Variants in CSMD1 observed in about 807,000 individuals in gnomAD.
CSMD1 encodes CUB and sushi domain-containing protein 1.
CSMD1 carries 213 observed loss-of-function variants against 417.5 expected under a neutral mutation model. The ratio of observed to expected loss-of-function variants is 0.51; its 90% CI spans 0.46 to 0.57. The LOEUF is 0.57. Ranked by LOEUF, CSMD1 falls within the 20% of genes least tolerant of loss-of-function variation. CSMD1 has a pLI of 0.00. For synonymous variants in CSMD1, 2,862 were observed against 1,736.8 expected, an observed-to-expected ratio of 1.65 and a Z score of -16.11; for missense variants, 6,923 against 4,529.7, an observed-to-expected ratio of 1.53 and a Z score of -15.17.
chr8:3,956,812 C>A (rs1271300678), intron 5 of CSMD1, among the ~76,000 whole-genome samples: 1 of 152,084 alleles, frequency 6.6e-6, no homozygotes, highest in African/African-American at 2.4e-5. Flanking sequence ...GGACACCCAG[C>A]CGTTACGGAA....
intron 2 of CSMD1, among the ~76,000 whole-genome samples, chr8:4,492,191 G>C (rs986841310): frequency 6.6e-6 from 1 of 152,178 alleles, no homozygotes; most frequent in African/African-American, 2.4e-5. Flanking sequence ...CTGACTTCAA[G>C]GGATCTGCCC....
chr8:3,155,068 G>A (rs994126369), intron 39 of CSMD1, among the ~76,000 whole-genome samples: 30 of 151,980 alleles, frequency 2.0e-4, no homozygotes, highest in East Asian at 3.9e-4. Flanking sequence ...TAATATTTAC[G>A]ATGTTAAGTA....
intron 49 of CSMD1, among the ~76,000 whole-genome samples, chr8:3,083,535 T>C (rs539667881): frequency 1.4e-5 from 2 of 143,322 alleles, no homozygotes; most frequent in South Asian, 4.5e-4. Flanking sequence ...TCGCTTAATC[T>C]GTTATACACA....
chr8:3,646,854 G>C (rs963188499), intron 7 of CSMD1, among the ~76,000 whole-genome samples: 3 of 152,068 alleles, frequency 2.0e-5, no homozygotes, highest in African/African-American at 7.2e-5. Flanking sequence ...TTGCCTCTCT[G>C]GCTGAATTTG....
intron 2 of CSMD1, among the ~76,000 whole-genome samples, chr8:4,629,752 TATTGTATAAA>T (rs1802395492): frequency 6.6e-6 from 1 of 152,182 alleles, no homozygotes; most frequent in Non-Finnish European, 1.5e-5. Flanking sequence ...CTAGATTTAC[TATTGTATAAA>T]ACAGTGTCAA....
intron 5 of CSMD1, among the ~76,000 whole-genome samples, chr8:3,838,599 T>G (rs892783876): frequency 4.7e-4 from 66 of 139,910 alleles, no homozygotes; most frequent in African/African-American, 1.7e-3. Flanking sequence ...CCTCTCTATA[T>G]AAATATTTAT....
intron 2 of CSMD1, among the ~76,000 whole-genome samples, chr8:4,421,086 A>G (rs969979694): frequency 6.6e-6 from 1 of 152,308 alleles, no homozygotes; most frequent in African/African-American, 2.4e-5. Context: ...ATGCCAATCC[A>G]AACAACTTTC....
intron 2 of CSMD1, among the ~76,000 whole-genome samples, chr8:4,592,290 G>C (rs1015936000): frequency 1.3e-5 from 2 of 151,262 alleles, no homozygotes; most frequent in Non-Finnish European, 2.9e-5. Flanking sequence ...AGTGAAAGTG[G>C]TATATTTACA....
chr8:4,611,692 T>G (rs1376992795), intron 2 of CSMD1, among the ~76,000 whole-genome samples: 1 of 152,212 alleles, frequency 6.6e-6, no homozygotes, highest in Non-Finnish European at 1.5e-5. Flanking sequence ...GTTTTCATCA[T>G]GACTAAAGAT....
At chr8:3,532,959 G>A (rs1320551235) in intron 10 of CSMD1, among the ~76,000 whole-genome samples, 4 of 152,090 alleles carry the variant, frequency 2.6e-5, no homozygotes, top group African/African-American at 9.7e-5. Context: ...ATCATGTAGA[G>A]TCTCATACAA....
intron 5 of CSMD1, among the ~76,000 whole-genome samples, chr8:3,986,864 C>T (rs1169331836): frequency 6.6e-6 from 1 of 152,112 alleles, no homozygotes; most frequent in Non-Finnish European, 1.5e-5. Context: ...AAGCAATTCT[C>T]CTGCTTCAGC....
chr8:4,934,960 C>A (rs1015705347), intron 1 of CSMD1, among the ~76,000 whole-genome samples: 8 of 152,152 alleles, frequency 5.3e-5, no homozygotes, highest in Admixed American at 2.0e-4. Context: ...ATCTACCTGC[C>A]TATATCTATC....
intron 1 of CSMD1, among the ~76,000 whole-genome samples, chr8:4,886,131 C>T (rs1441492662): frequency 6.6e-6 from 1 of 152,040 alleles, no homozygotes; most frequent in Non-Finnish European, 1.5e-5. Context: ...GCTGAGACCA[C>T]AGGCACATGC....
rs370491185 is a variant in CSMD1, at chr8:3,423,132, G to A, written c.1562-13527C>T. Reference sequence around the variant, plus strand: ...TTATTATTACTCATCATAGTTCAATGATATTTTTAAATAATCAGTTTAATT... The same window carrying A: ...TTATTATTACTCATCATAGTTCAATAATATTTTTAAATAATCAGTTTAATT... On this transcript the variant is annotated intron_variant, in intron 12 of 69. Coordinates refer to ENST00000635120, the MANE Select transcript of CSMD1 (RefSeq NM_033225.6). Among the ~76,000 whole-genome samples the A allele has an allele frequency of 6.6e-4, 100 of 152,250 alleles. No homozygotes were observed. In the South Asian group the frequency reaches 0.012, roughly 19 times the overall value.
rs1371774100 is a variant in CSMD1 at position 4,422,916 on chromosome 8, C to G, written c.303-2851G>C. 2.0e-5 allele frequency among the ~76,000 whole-genome samples: 3 copies of G among 151,722 alleles called. No homozygotes were observed. In the East Asian group the frequency reaches 5.8e-4, roughly 29 times the overall value. On this transcript the variant is annotated intron_variant, in intron 2 of 69. Transcript: ENST00000635120. ...ATAATCTGCAATATTAATGGGCTAA[C>G]AAAGTAAAATCACAAGATCATAGTA...
chr8:4,406,451 G>C (rs1805025634), intron 3 of CSMD1, among the ~76,000 whole-genome samples: 1 of 151,846 alleles, frequency 6.6e-6, no homozygotes, highest in African/African-American at 2.4e-5. Flanking sequence ...TCAAATTTCT[G>C]ATAAATCTAC....
intron 5 of CSMD1, among the ~76,000 whole-genome samples, chr8:3,800,666 T>G (rs993284191): frequency 1.3e-5 from 2 of 152,168 alleles, no homozygotes; most frequent in African/African-American, 4.8e-5. Flanking sequence ...ATGAACGGCT[T>G]GGTGATATTC....
chr8:4,072,470 C>G (rs1455320302), intron 3 of CSMD1, among the ~76,000 whole-genome samples: 3 of 152,096 alleles, frequency 2.0e-5, no homozygotes, highest in African/African-American at 4.8e-5. Context: ...TTATTTCGCA[C>G]TTGTAGTGAA....
rs561158169 is a variant in CSMD1, at chr8:3,198,994, C to A, written c.5194+720G>T. 9.2e-5 allele frequency among the ~76,000 whole-genome samples: 14 copies of A among 152,298 alleles called. No individual in the cohort carries two copies. In the South Asian group the frequency reaches 2.9e-3, roughly 32 times the overall value. On this transcript the variant is annotated intron_variant, in intron 33 of 69. Coordinates refer to ENST00000635120, the MANE Select transcript of CSMD1 (RefSeq NM_033225.6). ...CATTTCTTCCAGATCTCAACCTTTA[C>A]AGTCATGACAAGCTCCACGCAAAGA...
Sources: gnomAD v4.1 joint callset for allele counts (sites outside exome capture counted in the v4.1 genomes callset) on GRCh38, gnomAD v4.1.1 for gene constraint, MANE v1.5 for transcripts, NCBI Gene and HGNC (gene_info 2026-07-23, HGNC 2026-07-21) for gene names.